The following CNTNAP5 variants were observed in gnomAD, a reference collection of about 807,000 sequenced individuals.
CNTNAP5 encodes the protein contactin-associated protein-like 5.
In CNTNAP5, 72 loss-of-function variants were observed where a neutral mutation model predicts 150.2. The observed-to-expected ratio is 0.48, with a 90% CI of 0.40 to 0.58. The LOEUF (loss-of-function observed/expected upper bound fraction) is 0.58. Ranked by LOEUF, CNTNAP5 falls within the 20% of genes least tolerant of loss-of-function variation. CNTNAP5 has a pLI of 0.00. For synonymous variants in CNTNAP5, 672 were observed against 619.8 expected (o/e 1.08, Z -1.25); for missense variants, 1,636 against 1,626.2 (o/e 1.01, Z -0.10).
intron 3 of CNTNAP5, among the ~76,000 whole-genome samples, chr2:124,382,074 G>C (rs936910671): frequency 6.6e-6 from 1 of 152,150 alleles, no homozygotes; most frequent in Non-Finnish European, 1.5e-5. Flanking sequence ...AGGCATACTT[G>C]CATGCCCAAA....
At chr2:124,271,712 C>A (rs1255108650) in intron 3 of CNTNAP5, among the ~76,000 whole-genome samples, 1 of 149,304 alleles carries the variant, frequency 6.7e-6, no homozygotes, top group Non-Finnish European at 1.5e-5. Flanking sequence ...ATCTATCTAT[C>A]TATCTATCTA....
At chr2:124,318,718 C>T (rs1689026778) in intron 3 of CNTNAP5, among the ~76,000 whole-genome samples, 1 of 152,114 alleles carries the variant, frequency 6.6e-6, no homozygotes, top group African/African-American at 2.4e-5. Flanking sequence ...CAATGTTAAT[C>T]CTGGCTACAC....
chr2:124,530,364 G>C (rs1459593863), intron 10 of CNTNAP5, among the ~76,000 whole-genome samples: 2 of 152,092 alleles, frequency 1.3e-5, no homozygotes, highest in Non-Finnish European at 2.9e-5. Flanking sequence ...ATTCCTACCT[G>C]AGGCACAAAT....
intron 1 of CNTNAP5, among the ~76,000 whole-genome samples, chr2:124,177,195 A>G (rs1265762984): frequency 6.6e-6 from 1 of 152,080 alleles, no homozygotes; most frequent in Non-Finnish European, 1.5e-5. Flanking sequence ...GCGGGAGGAA[A>G]GTTAGAGTAA....
At chr2:124,853,458 T>C (rs980592717) in intron 19 of CNTNAP5, among the ~76,000 whole-genome samples, 1 of 152,162 alleles carries the variant, frequency 6.6e-6, no homozygotes, top group Admixed American at 6.6e-5. Flanking sequence ...TGAGGTTGGT[T>C]GTGCAAATGG....
Position 124,419,985 on chromosome 2 carries a change from TTTC to T in CNTNAP5, c.529+2398_529+2400del, listed in dbSNP as rs1558894125. Among the ~76,000 whole-genome samples, 14 of 126,418 alleles carry T rather than the reference TTTC, an allele frequency of 1.1e-4. No homozygotes were observed. The South Asian group carries it at 2.3e-3, about 21-fold the overall frequency. The allele number at this position is 126,418 out of a possible 152,430, so 82.9% of individuals were successfully genotyped here. Reference sequence around the variant, plus strand: ...TTCTCTCTCTCTCTTTCTTTCTTTCTTTCTTTTTTTTTTTTTTTTTTTTTGAGA... The same window carrying T: ...TTCTCTCTCTCTCTTTCTTTCTTTCTTTTTTTTTTTTTTTTTTTTTTGAGA... On this transcript the variant is annotated intron_variant, in intron 4 of 23. Transcript: ENST00000682447.
rs111254138 is a variant in CNTNAP5 at position 124,791,356 on chromosome 2, C to T, written c.2992+1215C>T. On this transcript the variant is annotated intron_variant, in intron 18 of 23. Transcript: ENST00000682447. ...TAATGGTAAAAATTTTCGGGCTAAC[C>T]GCATGGAAGCTTAAAATAAAACAGT... Among the ~76,000 whole-genome samples, 622 of 152,250 alleles carry T rather than the reference C, an allele frequency of 4.1e-3. 7 individuals are homozygous for T. Among genetic ancestry groups the T allele is most frequent in the African/African-American group, 0.014 (597 of 41,554 alleles).
intron 23 of CNTNAP5, 35 bp from the exon 24 acceptor site, chr2:124,914,057 A>C: frequency 6.7e-7 from 1 of 1,484,696 alleles, no homozygotes; most frequent in Non-Finnish European, 9.4e-7. Flanking sequence ...ACTCATGACG[A>C]TTTCCTTCTC....
chr2:124,302,392 G>T (rs910592469), intron 3 of CNTNAP5, among the ~76,000 whole-genome samples: 2 of 152,186 alleles, frequency 1.3e-5, no homozygotes, highest in Non-Finnish European at 2.9e-5. Flanking sequence ...TAAATAAACA[G>T]AAATGCATTT....
intron 18 of CNTNAP5, among the ~76,000 whole-genome samples, chr2:124,796,733 T>G (rs994184847): frequency 6.6e-6 from 1 of 152,172 alleles, no homozygotes; most frequent in Non-Finnish European, 1.5e-5. Context: ...ATCAGAGACT[T>G]TCATGGGGAA....
At chr2:124,368,628 G>A (rs1690437096) in intron 3 of CNTNAP5, among the ~76,000 whole-genome samples, 1 of 152,098 alleles carries the variant, frequency 6.6e-6, no homozygotes, top group Admixed American at 6.6e-5. Context: ...AAGAAAGAAT[G>A]AGGAGGCACC....
At chr2:124,521,305 A>G (rs890225902) in intron 8 of CNTNAP5, among the ~76,000 whole-genome samples, 1 of 152,172 alleles carries the variant, frequency 6.6e-6, no homozygotes, top group East Asian at 1.9e-4. Flanking sequence ...ACAGAGCTAA[A>G]CTTTTCACCC....
chr2:124,327,044 G>A (rs1017053901), intron 3 of CNTNAP5, among the ~76,000 whole-genome samples: 2 of 143,900 alleles, frequency 1.4e-5, no homozygotes, highest in South Asian at 2.2e-4. Flanking sequence ...GCAGTGGTGC[G>A]ATCTCAGCTC....
At chr2:124,789,310 A>C (rs1034579887) in intron 17 of CNTNAP5, among the ~76,000 whole-genome samples, 5 of 152,180 alleles carry the variant, frequency 3.3e-5, no homozygotes, top group Non-Finnish European at 4.4e-5. Flanking sequence ...CTTGTAAAAT[A>C]CAGGAACTAC....
chr2:124,197,985 A>C lies in CNTNAP5; in HGVS notation c.83-23720A>C, dbSNP rs536362792. Among the ~76,000 whole-genome samples, 770 of 151,436 alleles carry C rather than the reference A, an allele frequency of 5.1e-3. 7 individuals carry two copies. Among genetic ancestry groups the C allele is most frequent in the African/African-American group, 0.018 (747 of 41,406 alleles). The stretch of plus-strand genomic sequence containing the variant: ...GACAGAGACTCTGTCTCAAAAAAAA[A>C]ATAATAAAAATAAAAATAATAATAA... On this transcript the variant is annotated intron_variant, in intron 1 of 23. Transcript: ENST00000682447.
chr2:124,181,690 G>A (rs1257562291), intron 1 of CNTNAP5, among the ~76,000 whole-genome samples: 2 of 152,130 alleles, frequency 1.3e-5, no homozygotes, highest in Non-Finnish European at 2.9e-5. Context: ...TTCGTTTTAT[G>A]TGTGCTATTT....
intron 19 of CNTNAP5, among the ~76,000 whole-genome samples, chr2:124,813,396 T>C (rs1162290651): frequency 6.7e-6 from 1 of 148,170 alleles, no homozygotes; most frequent in Non-Finnish European, 1.5e-5. Flanking sequence ...TTTCTTTTTT[T>C]TTCTTTTTTT....
At chr2:124,538,435 G>A (rs1695292033) in intron 10 of CNTNAP5, among the ~76,000 whole-genome samples, 1 of 151,998 alleles carries the variant, frequency 6.6e-6, no homozygotes, top group East Asian at 1.9e-4. Flanking sequence ...CAAAGATCAT[G>A]CCACTGCACT....
intron 19 of CNTNAP5, among the ~76,000 whole-genome samples, chr2:124,845,921 T>C (rs1018289726): frequency 2.0e-5 from 3 of 152,156 alleles, no homozygotes; most frequent in Non-Finnish European, 2.9e-5. Flanking sequence ...ATTTTATTTA[T>C]CTTTTCAAAG....
Sources: gnomAD v4.1 joint callset for allele counts (sites outside exome capture counted in the v4.1 genomes callset) on GRCh38, gnomAD v4.1.1 for gene constraint, MANE v1.5 for transcripts, NCBI Gene and HGNC (gene_info 2026-07-23, HGNC 2026-07-21) for gene names.